Variants in NTM observed in about 807,000 individuals in gnomAD.
NTM encodes the protein neurotrimin.
Under a neutral mutation model 42.1 loss-of-function variants are expected in NTM, and 13 were observed. The ratio of observed to expected loss-of-function variants is 0.31; its 90% CI spans 0.20 to 0.49. The LOEUF (loss-of-function observed/expected upper bound fraction) is 0.49, where lower values mean the gene tolerates loss of function less well. Ranked by LOEUF, NTM falls within the 20% of genes least tolerant of loss-of-function variation. The probability of loss-of-function intolerance (pLI) is 0.99; values close to 1 mark genes in which losing one functional copy is unlikely to be tolerated. For missense variants in NTM, 373 were observed against 452.8 expected (o/e 0.82, Z 1.60); for synonymous variants, 187 against 179.2 (o/e 1.04, Z -0.35).
At chr11:131,436,260 G>A (rs1349930645) in intron 1 of NTM, among the ~76,000 whole-genome samples, 2 of 151,934 alleles carry the variant, frequency 1.3e-5, no homozygotes, top group Non-Finnish European at 2.9e-5. Context: ...TTTTTTTGTT[G>A]CGTCTCTGCC....
chr11:131,397,558 G>A (rs993210348), intron 1 of NTM, among the ~76,000 whole-genome samples: 2 of 152,136 alleles, frequency 1.3e-5, no homozygotes, highest in African/African-American at 2.4e-5. Context: ...TTCTTTGGGC[G>A]GGCATGAGGC....
intron 1 of NTM, among the ~76,000 whole-genome samples, chr11:131,785,328 C>T (rs1591815925): frequency 6.6e-6 from 1 of 151,942 alleles, no homozygotes. Context: ...GAAATGAAGA[C>T]GATATGAATT....
intron 3 of NTM, among the ~76,000 whole-genome samples, chr11:132,168,770 A>C (rs2075667419): frequency 6.6e-6 from 1 of 152,198 alleles, no homozygotes; most frequent in Admixed American, 6.5e-5. Context: ...CTTTAAGTCA[A>C]CTTAGGGCCA....
chr11:132,177,584 G>T (rs1464062495), intron 3 of NTM, among the ~76,000 whole-genome samples: 5 of 152,132 alleles, frequency 3.3e-5, no homozygotes, highest in African/African-American at 1.2e-4. Flanking sequence ...CATTTTAGAA[G>T]ATGACTGATT....
intron 1 of NTM, among the ~76,000 whole-genome samples, chr11:131,479,106 ATTCAC>A (rs963491433): frequency 2.6e-5 from 4 of 152,236 alleles, no homozygotes; most frequent in Non-Finnish European, 5.9e-5. Context: ...ATTATTCATA[ATTCAC>A]TTAAATAACC....
chr11:131,684,095 A>G (rs975692040), intron 1 of NTM, among the ~76,000 whole-genome samples: 2 of 152,060 alleles, frequency 1.3e-5, no homozygotes, highest in Admixed American at 6.5e-5. Context: ...GCCTAACTTC[A>G]TTGCTTCATT....
intron 2 of NTM, among the ~76,000 whole-genome samples, chr11:132,067,571 A>G (rs901398293): frequency 4.6e-5 from 7 of 152,250 alleles, no homozygotes; most frequent in African/African-American, 1.7e-4. Flanking sequence ...TAAGCATAGA[A>G]TAACAGTTGT....
intron 1 of NTM, among the ~76,000 whole-genome samples, chr11:131,634,088 A>T (rs2064061624): frequency 1.3e-5 from 2 of 152,220 alleles, no homozygotes; most frequent in Non-Finnish European, 2.9e-5. Flanking sequence ...ATCTGTTTGC[A>T]CATGAGCTTG....
At chr11:131,502,496 G>A (rs1412391674) in intron 1 of NTM, among the ~76,000 whole-genome samples, 1 of 152,126 alleles carries the variant, frequency 6.6e-6, no homozygotes. Flanking sequence ...ATGAGGCTGA[G>A]GGGAGGCAGG....
chr11:132,095,374 A>G, intron 2 of NTM, among the ~76,000 whole-genome samples: 1 of 151,808 alleles, frequency 6.6e-6, no homozygotes, highest in Non-Finnish European at 1.5e-5. Flanking sequence ...CCTTTCATCC[A>G]CTGTCTCCGC....
chr11:132,126,286 T>C (rs2065824224), intron 2 of NTM, among the ~76,000 whole-genome samples: 1 of 152,170 alleles, frequency 6.6e-6, no homozygotes, highest in South Asian at 2.1e-4. Context: ...TACTTCTTAA[T>C]GGCAAGGTAG....
chr11:131,773,999 C>T lies in NTM; in HGVS notation c.83-137565C>T, dbSNP rs537815671. 36 of 984,034 alleles carry T rather than the reference C, an allele frequency of 3.7e-5. No individual in the cohort carries two copies. In the East Asian group the frequency reaches 1.3e-3, roughly 34 times the overall value. 61.0% of individuals were successfully genotyped at this position (984,034 alleles called of 1,614,324 possible). A position where few individuals can be genotyped will look rare whatever the true frequency, so the allele number is the denominator to read the frequency against. On this transcript the variant is annotated intron_variant, in intron 1 of 8. Transcript: ENST00000683400. ...AGGACCTCCAATTCCTGACATCTTCCGTCGTCTCATTTTTAAACAAAATAG... is the reference window on the plus strand; with the variant it reads ...AGGACCTCCAATTCCTGACATCTTCTGTCGTCTCATTTTTAAACAAAATAG...
chr11:131,667,181 G>A (rs74760796), intron 1 of NTM, among the ~76,000 whole-genome samples: 5,031 of 152,188 alleles, frequency 0.033, 268 homozygotes, highest in African/African-American at 0.11. Context: ...CCCTTAAAGA[G>A]GAGGACCCCA....
At chr11:131,924,015 A>T (rs555774971) in intron 2 of NTM, among the ~76,000 whole-genome samples, 1 of 152,210 alleles carries the variant, frequency 6.6e-6, no homozygotes, top group Admixed American at 6.5e-5. Context: ...CACTCTGCTC[A>T]TACTTGGTGT....
At chr11:131,621,084 G>T (rs1426748208) in intron 1 of NTM, among the ~76,000 whole-genome samples, 2 of 152,206 alleles carry the variant, frequency 1.3e-5, no homozygotes, top group Admixed American at 6.5e-5. Context: ...AGCAGGAAGA[G>T]AATTCAGGGT....
At chr11:131,836,922 C>T (rs1362531432) in intron 1 of NTM, among the ~76,000 whole-genome samples, 1 of 152,098 alleles carries the variant, frequency 6.6e-6, no homozygotes, top group East Asian at 1.9e-4. Context: ...TGTAACAAAT[C>T]CATTGTGTGA....
intron 7 of NTM, among the ~76,000 whole-genome samples, chr11:132,316,206 G>A (rs1007948157): frequency 2.1e-5 from 3 of 145,026 alleles, no homozygotes; most frequent in African/African-American, 7.7e-5. Flanking sequence ...ATACTTCCCC[G>A]GCTTCTTCTC....
rs181978275 is a variant in NTM at position 131,831,199 on chromosome 11, A to T, written c.83-80365A>T. Among the ~76,000 whole-genome samples, 42 of 151,818 alleles carry T rather than the reference A, an allele frequency of 2.8e-4. 1 individual carries two copies. The East Asian group carries it at 8.0e-3, about 29-fold the overall frequency. On this transcript the variant is annotated intron_variant, in intron 1 of 8. Coordinates refer to ENST00000683400, the MANE Select transcript of NTM (RefSeq NM_001352005.2). ...ATTGCTGTGGATAGGACTTGCTGGG[A>T]CTCACTTTTAAAATTAATAATAGTA...
intron 1 of NTM, among the ~76,000 whole-genome samples, chr11:131,692,037 C>G (rs192031857): frequency 4.6e-5 from 7 of 152,216 alleles, no homozygotes; most frequent in South Asian, 2.1e-4. Context: ...TAGGTAAGCA[C>G]GAGTGAAAAG....
Sources: allele counts gnomAD v4.1 joint callset (sites outside exome capture counted in the v4.1 genomes callset), GRCh38; gene constraint gnomAD v4.1.1; transcripts MANE v1.5; gene names NCBI Gene and HGNC (gene_info 2026-07-23, HGNC 2026-07-21).